DCC: variants seen among roughly 807,000 people sequenced by gnomAD.
DCC encodes the protein netrin receptor DCC.
DCC carries 58 observed loss-of-function variants against 172.5 expected under a neutral mutation model. The ratio of observed to expected loss-of-function variants is 0.34; its 90% CI spans 0.27 to 0.42. DCC has a LOEUF of 0.42. DCC is among the 10% of genes least tolerant of loss of function. DCC has a pLI of 1.00. For missense variants in DCC, 1,740 were observed against 1,791.0 expected (o/e 0.97, Z 0.51); for synonymous variants, 709 against 644.5 (o/e 1.10, Z -1.52).
intron 5 of DCC, among the ~76,000 whole-genome samples, chr18:53,048,489 TTGTGTGTGTG>T (rs71175550): frequency 0.01 from 1,442 of 139,376 alleles, 17 homozygotes; most frequent in African/African-American, 0.033. Flanking sequence ...ACTCCATGGT[TTGTGTGTGTG>T]TGTGTGTGTG....
At chr18:52,816,569 A>G (rs573507781) in intron 2 of DCC, 2 of 152,170 alleles carry the variant, frequency 1.3e-5, no homozygotes, top group Non-Finnish European at 2.9e-5. Context: ...TCCTCTATAG[A>G]ATCTGGCATT....
chr18:52,724,837 T>G (rs2036527231), intron 1 of DCC, among the ~76,000 whole-genome samples: 1 of 152,160 alleles, frequency 6.6e-6, no homozygotes, highest in South Asian at 2.1e-4. Context: ...TCTACACAAT[T>G]CCTTCCCCTA....
chr18:53,372,353 A>C (rs1441789744), intron 15 of DCC, among the ~76,000 whole-genome samples: 1 of 152,238 alleles, frequency 6.6e-6, no homozygotes, highest in African/African-American at 2.4e-5. Flanking sequence ...AGCCACTAAC[A>C]GGAATAGAAA....
intron 2 of DCC, among the ~76,000 whole-genome samples, chr18:52,888,592 GTTCTA>G (rs1283556709): frequency 6.6e-6 from 1 of 151,958 alleles, no homozygotes; most frequent in African/African-American, 2.4e-5. Flanking sequence ...TATGAAAAGT[GTTCTA>G]TTCTATAAAG....
intron 12 of DCC, among the ~76,000 whole-genome samples, chr18:53,267,303 C>T (rs956486167): frequency 2.6e-5 from 4 of 152,074 alleles, no homozygotes; most frequent in Non-Finnish European, 4.4e-5. Flanking sequence ...TCTCCTGCCT[C>T]AGCCTCTTGA....
chr18:52,684,916 A>G (rs1235549033), intron 1 of DCC, among the ~76,000 whole-genome samples: 2 of 152,134 alleles, frequency 1.3e-5, no homozygotes, highest in African/African-American at 4.8e-5. Flanking sequence ...TTTATAGCTA[A>G]TCTTACCAGT....
At chr18:52,616,018 G>A (rs1341866796) in intron 1 of DCC, among the ~76,000 whole-genome samples, 1 of 152,110 alleles carries the variant, frequency 6.6e-6, no homozygotes, top group East Asian at 1.9e-4. Context: ...TGCAAAGGTA[G>A]AACAGAGGGT....
At chr18:53,163,161 A>AT in intron 8 of DCC, among the ~76,000 whole-genome samples, 1 of 152,344 alleles carries the variant, frequency 6.6e-6, no homozygotes, top group Non-Finnish European at 1.5e-5. Flanking sequence ...GTTCTTATTC[A>AT]TAATTTCATG....
At chr18:52,652,594 G>T (rs2035157447) in intron 1 of DCC, among the ~76,000 whole-genome samples, 1 of 152,100 alleles carries the variant, frequency 6.6e-6, no homozygotes, top group Non-Finnish European at 1.5e-5. Flanking sequence ...GGGCCCATTG[G>T]AATGTTCAGT....
In DCC at chr18:53,427,229, T is replaced by C. The variant is rs543719634; in HGVS notation, c.3164-7915T>C. On this transcript the variant is annotated intron_variant, in intron 21 of 28. Coordinates refer to ENST00000442544, the MANE Select transcript of DCC (RefSeq NM_005215.4). ...ATATTTGGAGGAACAGAATGCTTTT[T>C]AGATTTTAATAAAGACTAAGCTGCA... 7.2e-5 allele frequency among the ~76,000 whole-genome samples: 11 copies of C among 152,226 alleles called. No homozygotes were observed. The South Asian group carries it at 2.3e-3, about 32-fold the overall frequency.
At chr18:52,350,816 A>G (rs1007533674) in intron 1 of DCC, among the ~76,000 whole-genome samples, 25 of 152,178 alleles carry the variant, frequency 1.6e-4, no homozygotes, top group Non-Finnish European at 1.5e-4. Flanking sequence ...TGGTGTGGTA[A>G]GAATGAGGAT....
intron 17 of DCC, among the ~76,000 whole-genome samples, chr18:53,394,929 G>A (rs10164054): frequency 0.43 from 64,328 of 151,036 alleles, 15,415 homozygotes; most frequent in Non-Finnish European, 0.55. Flanking sequence ...ATCGCCTGAG[G>A]TCAGGAGTTC....
chr18:53,136,135 ATG>A (rs748240312), intron 7 of DCC, among the ~76,000 whole-genome samples: 4 of 151,730 alleles, frequency 2.6e-5, no homozygotes, highest in Non-Finnish European at 4.4e-5. Context: ...AAAAAATTGG[ATG>A]TGTGTGTGTA....
chr18:53,438,158 G>C (rs551735512), intron 22 of DCC, among the ~76,000 whole-genome samples: 1 of 152,270 alleles, frequency 6.6e-6, no homozygotes, highest in South Asian at 2.1e-4. Flanking sequence ...TTTTCACATT[G>C]AAATTCATTC....
chr18:52,367,214 G>T (rs1460649959), intron 1 of DCC, among the ~76,000 whole-genome samples: 1 of 152,178 alleles, frequency 6.6e-6, no homozygotes, highest in Admixed American at 6.5e-5. Context: ...GGCCCGCCAA[G>T]CCCACGCCCA....
rs985167067 is a variant in DCC at position 52,894,418 on chromosome 18, C to T, written c.413-11626C>T. ...ACATACACACACACACACACACACA[C>T]ATGCATACACACAATATAAGTATGT... On this transcript the variant is annotated intron_variant, in intron 2 of 28. Coordinates refer to ENST00000442544, the MANE Select transcript of DCC (RefSeq NM_005215.4). 2.5e-4 allele frequency among the ~76,000 whole-genome samples: 35 copies of T among 140,438 alleles called. 1 individual carries two copies. The highest frequency in any genetic ancestry group is 8.5e-4 in the African/African-American group (33 of 38,738). The allele number at this position is 140,438 out of a possible 152,430, so 92.1% of individuals were successfully genotyped here.
At chr18:53,397,060 A>G (rs543103220) in intron 17 of DCC, among the ~76,000 whole-genome samples, 50 of 151,208 alleles carry the variant, frequency 3.3e-4, no homozygotes, top group Non-Finnish European at 5.2e-4. Context: ...ACCTCGGAAA[A>G]TTTTCTATCT....
intron 7 of DCC, among the ~76,000 whole-genome samples, chr18:53,089,314 G>A (rs2042967864): frequency 6.6e-6 from 1 of 152,060 alleles, no homozygotes; most frequent in Non-Finnish European, 1.5e-5. Context: ...TTGAATTCCT[G>A]ACCTCAAATG....
chr18:53,158,027 A>G (rs2054772516), intron 8 of DCC, among the ~76,000 whole-genome samples: 1 of 152,210 alleles, frequency 6.6e-6, no homozygotes. Flanking sequence ...TGGATGCCCC[A>G]TTTACCCTGA....
Sources: allele counts gnomAD v4.1 joint callset (sites outside exome capture counted in the v4.1 genomes callset), GRCh38; gene constraint gnomAD v4.1.1; transcripts MANE v1.5; gene names NCBI Gene and HGNC (gene_info 2026-07-23, HGNC 2026-07-21).